The following SLC1A6 variants were observed in gnomAD, a reference collection of about 807,000 sequenced individuals.
The protein encoded by SLC1A6 is excitatory amino acid transporter 4.
Under a neutral mutation model 42.1 loss-of-function variants are expected in SLC1A6, and 15 were observed. The observed-to-expected ratio is 0.36, with a 90% CI of 0.24 to 0.55. The LOEUF (loss-of-function observed/expected upper bound fraction) is 0.55. Among genes scored for constraint, SLC1A6 ranks in the 20% least tolerant of loss-of-function variants. SLC1A6 has a pLI of 0.88. For synonymous variants in SLC1A6, 317 were observed against 319.7 expected (o/e 0.99, Z 0.09); for missense variants, 542 against 772.5 (o/e 0.70, Z 3.54).
intron 7 of SLC1A6, 52 bp from the exon 8 acceptor site, chr19:14,954,381 G>T: frequency 6.5e-7 from 1 of 1,545,874 alleles, no homozygotes; most frequent in South Asian, 1.1e-5. Flanking sequence ...GTGGGGGCGG[G>T]GCTGGGAACA....
chr19:14,967,714 G>C (rs774043313), intron 4 of SLC1A6, among the ~76,000 whole-genome samples: 32 of 152,098 alleles, frequency 2.1e-4, no homozygotes, highest in Middle Eastern at 3.2e-3. Context: ...TTTTCTCTAG[G>C]AGTTAAACAA....
At chr19:14,990,204 T>C (rs576901982) in intron 1 of SLC1A6, among the ~76,000 whole-genome samples, 5 of 151,826 alleles carry the variant, frequency 3.3e-5, no homozygotes, top group African/African-American at 1.2e-4. Context: ...GATTTTTAAA[T>C]GTACTATGCT....
intron 3 of SLC1A6, among the ~76,000 whole-genome samples, chr19:14,970,433 C>G (rs1408676308): frequency 6.6e-6 from 1 of 152,176 alleles, no homozygotes; most frequent in Admixed American, 6.5e-5. Flanking sequence ...GTATAATGGC[C>G]GGGCGGGGTG....
chr19:14,990,771 A>AAAAAC (rs1404059513), intron 1 of SLC1A6, among the ~76,000 whole-genome samples: 2 of 128,768 alleles, frequency 1.6e-5, no homozygotes, highest in Non-Finnish European at 1.6e-5. Context: ...CTCTGTCTCA[A>AAAAAC]AAAACAAAAC....
chr19:14,987,125 G>C (rs1053846342), intron 1 of SLC1A6, among the ~76,000 whole-genome samples: 1 of 152,070 alleles, frequency 6.6e-6, no homozygotes, highest in Non-Finnish European at 1.5e-5. Context: ...GGATTTGCAG[G>C]CTACACTTTG....
chr19:15,004,511 T>C (rs1459872085), intron 1 of SLC1A6, among the ~76,000 whole-genome samples: 3 of 123,220 alleles, frequency 2.4e-5, no homozygotes, highest in Non-Finnish European at 3.2e-5. Flanking sequence ...AGACCCAGAC[T>C]GGGCAACATA....
rs112314384 is a variant in SLC1A6, at chr19:14,998,920, C to T, written c.6+11565G>A. Among the ~76,000 whole-genome samples the T allele has an allele frequency of 5.4e-3, 809 of 151,138 alleles. 8 individuals are homozygous for T. Among genetic ancestry groups the T allele is most frequent in the African/African-American group, 0.019 (770 of 41,082 alleles). ...TTTAATGGAGTCTTGCTCTGTCACC[C>T]AGGCTGGAGTGCAGTGGCACTATCT... is the stretch of plus-strand genomic sequence containing the variant. On this transcript the variant is annotated intron_variant, in intron 1 of 8. Transcript: ENST00000430939.
Position 15,002,383 on chromosome 19 carries a change from A to G in SLC1A6, c.6+8102T>C, listed in dbSNP as rs1312141318. Among the ~76,000 whole-genome samples, 3 of 151,728 alleles carry G rather than the reference A, an allele frequency of 2.0e-5. No individual in the cohort carries two copies. The East Asian group carries it at 5.8e-4, about 30-fold the overall frequency. On this transcript the variant is annotated intron_variant, in intron 1 of 8. Transcript: ENST00000430939. The stretch of plus-strand genomic sequence containing the variant: ...ACTCCTGGCTTCAAGCAATCCTCCT[A>G]CCTCAGCCTCCCAAAGTGCTGGAAT...
intron 1 of SLC1A6, among the ~76,000 whole-genome samples, chr19:15,006,470 T>A (rs1054147984): frequency 2.0e-5 from 3 of 152,206 alleles, no homozygotes; most frequent in African/African-American, 7.2e-5. Flanking sequence ...TTCTTGCTAG[T>A]GGCCCTAAAG....
chr19:14,976,172 G>A (rs1157661115), intron 1 of SLC1A6, among the ~76,000 whole-genome samples: 1 of 152,130 alleles, frequency 6.6e-6, no homozygotes, highest in African/African-American at 2.4e-5. Flanking sequence ...CCTCCCTACT[G>A]AATATCCACC....
chr19:14,950,946 CA>C (rs59048202), intron 9 of SLC1A6, among the ~76,000 whole-genome samples: 86,150 of 149,378 alleles, frequency 0.58, 24,983 homozygotes, highest in African/African-American at 0.62. Flanking sequence ...CCCTGTCTCT[CA>C]AAAAAAAAGA....
chr19:14,977,051 A>T (rs2045719165), intron 1 of SLC1A6: 1 of 151,810 alleles, frequency 6.6e-6, no homozygotes, highest in African/African-American at 2.4e-5. Context: ...AAAAAAAAAA[A>T]AAAAAATCCC....
intron 7 of SLC1A6, among the ~76,000 whole-genome samples, 198 bp from the exon 8 acceptor site, chr19:14,954,527 A>G (rs2045443929): frequency 6.6e-6 from 1 of 151,288 alleles, no homozygotes; most frequent in African/African-American, 2.4e-5. Flanking sequence ...ACAGGGGAGG[A>G]GTAGGTGAGG....
Position 14,971,868 on chromosome 19 carries a change from C to T in SLC1A6, c.212G>A (p.Ser71Asn). ...LTVSAVVIGV[S>N]LAFALRPYQL... Reference sequence around the variant, plus strand: ...ATATGGGCGCAGGGCAAAGGCCAGGCTGACCCCTAGGGCCAAAAGAAGGGG... The same window carrying T: ...ATATGGGCGCAGGGCAAAGGCCAGGTTGACCCCTAGGGCCAAAAGAAGGGG... The change falls in exon 3 of 10, where the codon AGC (serine) becomes AAC (asparagine). Residue 71 changes from serine to asparagine, a missense_variant. Physicochemically the swap from Ser to Asn is conservative, Grantham distance 46. This residue lies in a region of SLC1A6 where 25 missense variants were observed against 32.3 expected (regional missense o/e 0.77). Transcript: ENST00000594383. 6.2e-7 allele frequency: 1 copy of T among 1,614,106 alleles called. No individual in the cohort carries two copies. The highest frequency in any genetic ancestry group is 1.3e-5 in the African/African-American group (1 of 75,050).
At chr19:14,994,305 C>A (rs553599498) in intron 1 of SLC1A6, among the ~76,000 whole-genome samples, 9 of 152,146 alleles carry the variant, frequency 5.9e-5, no homozygotes, top group African/African-American at 2.2e-4. Flanking sequence ...CCCTGCATCC[C>A]CCCTGCAGAT....
intron 1 of SLC1A6, among the ~76,000 whole-genome samples, chr19:14,996,571 CTCT>C (rs1320059546): frequency 9.5e-5 from 3 of 31,536 alleles, no homozygotes; most frequent in Non-Finnish European, 2.1e-4. Flanking sequence ...GTTCTTCTTC[CTCT>C]TCTTCTTCTT....
chr19:14,995,326 CA>C (rs1173848535), intron 1 of SLC1A6, among the ~76,000 whole-genome samples: 28 of 53,032 alleles, frequency 5.3e-4, no homozygotes, highest in African/African-American at 1.8e-3. Flanking sequence ...ACTCCATCTC[CA>C]AAAAAAAAAA....
At chr19:14,992,137 T>G (rs1419492569) in intron 1 of SLC1A6, among the ~76,000 whole-genome samples, 3 of 152,258 alleles carry the variant, frequency 2.0e-5, no homozygotes, top group Non-Finnish European at 4.4e-5. Flanking sequence ...CTTCTGCTTT[T>G]CAGGCTCCTG....
At chr19:14,981,411 T>A (rs2045767170), upstream of SLC1A6, among the ~76,000 whole-genome samples, 1 of 152,158 alleles carries the variant, frequency 6.6e-6, no homozygotes, top group Non-Finnish European at 1.5e-5. Flanking sequence ...TGCTCCCCAA[T>A]GTATGGCTAA....
Sources: allele counts gnomAD v4.1 joint callset (sites outside exome capture counted in the v4.1 genomes callset), GRCh38; gene constraint gnomAD v4.1.1; regional missense constraint gnomAD v4.1.1; transcripts MANE v1.5; gene names NCBI Gene and HGNC (gene_info 2026-07-23, HGNC 2026-07-21).